GULP1: variants seen among roughly 807,000 people sequenced by gnomAD.
GULP1 encodes the protein PTB domain-containing engulfment adapter protein 1.
GULP1 carries 19 observed loss-of-function variants against 40.9 expected under a neutral mutation model. The ratio of observed to expected loss-of-function variants is 0.46; its 90% CI spans 0.32 to 0.68. GULP1 has a LOEUF of 0.68. GULP1 is among the 30% of genes least tolerant of loss of function. The pLI, the probability that GULP1 is intolerant of heterozygous loss-of-function variation, is 0.03. For missense variants in GULP1, 312 were observed against 362.2 expected (o/e 0.86, Z 1.12); for synonymous variants, 119 against 117.6 (o/e 1.01, Z -0.08).
chr2:188,492,753 A>G (rs2062519224), intron 4 of GULP1, among the ~76,000 whole-genome samples: 1 of 152,090 alleles, frequency 6.6e-6, no homozygotes, highest in South Asian at 2.1e-4. Flanking sequence ...AATTTTTTAT[A>G]TATCTATCTC....
At position 188,489,061 on chromosome 2, in the gene GULP1, A is replaced by G. The variant is rs1251428464; in HGVS notation, c.90+5569A>G. 3.3e-5 allele frequency among the ~76,000 whole-genome samples: 5 copies of G among 152,124 alleles called. No individual in the cohort carries two copies. In the East Asian group the frequency reaches 9.7e-4, roughly 29 times the overall value. On this transcript the variant is annotated intron_variant, in intron 4 of 11. Transcript: ENST00000409830. ...ATTGTTTTTTGAGAACATATGATAAATTACCCTTCAATGAAATATTAAGAT... is the reference window on the plus strand; with the variant it reads ...ATTGTTTTTTGAGAACATATGATAAGTTACCCTTCAATGAAATATTAAGAT...
rs151009285 is a variant in GULP1 at position 188,310,928 on chromosome 2, T to A, written c.-172+18762T>A. 2.1e-4 allele frequency among the ~76,000 whole-genome samples: 32 copies of A among 152,364 alleles called. No individual in the cohort carries two copies. The Middle Eastern group carries it at 0.014, about 65-fold the overall frequency. On this transcript the variant is annotated intron_variant, in intron 1 of 11. Transcript: ENST00000409830. ...AACTTGAAAAATATTTTAATAGGAC[T>A]TAACTGTGTTAAAGATGAAATTGTA... is the stretch of plus-strand genomic sequence containing the variant.
intron 4 of GULP1, among the ~76,000 whole-genome samples, chr2:188,485,748 T>C (rs2061810150): frequency 1.3e-5 from 2 of 152,028 alleles, no homozygotes; most frequent in Admixed American, 6.6e-5. Flanking sequence ...ATAGTAACAA[T>C]AGTAATTTCT....
intron 2 of GULP1, among the ~76,000 whole-genome samples, chr2:188,390,396 G>C (rs1035437258): frequency 6.6e-6 from 1 of 151,866 alleles, no homozygotes; most frequent in Non-Finnish European, 1.5e-5. Flanking sequence ...ATGTTTGTTG[G>C]GTATTTGTTT....
Position 188,477,669 on chromosome 2 carries a change from G to T in GULP1, c.-34G>T, listed in dbSNP as rs761243576. ...TTGTCACTTTTACAGGATTTAAGTCGTGGAACTGAACATTTATTTGGCTGA... is the reference window on the plus strand; with the variant it reads ...TTGTCACTTTTACAGGATTTAAGTCTTGGAACTGAACATTTATTTGGCTGA... On this transcript the variant is annotated 5_prime_UTR_variant, in exon 3 of 12. Coordinates refer to ENST00000409830, the MANE Select transcript of GULP1 (RefSeq NM_016315.4). The T allele has an allele frequency of 5.7e-6, 9 of 1,567,350 alleles. No homozygotes were observed. Among genetic ancestry groups the T allele is most frequent in the African/African-American group, 1.4e-5 (1 of 72,702 alleles).
intron 9 of GULP1, among the ~76,000 whole-genome samples, chr2:188,576,981 C>T (rs1462788735): frequency 6.6e-6 from 1 of 152,108 alleles, no homozygotes; most frequent in Non-Finnish European, 1.5e-5. Context: ...TCATGAATGC[C>T]TGCAGAAGAT....
intron 1 of GULP1, among the ~76,000 whole-genome samples, chr2:188,320,830 A>G (rs1411453976): frequency 6.6e-6 from 1 of 151,978 alleles, no homozygotes; most frequent in Non-Finnish European, 1.5e-5. Context: ...TTTTAATAAC[A>G]AAAACCTTAT....
chr2:188,335,784 G>T (rs1055860810), intron 1 of GULP1, among the ~76,000 whole-genome samples: 3 of 152,174 alleles, frequency 2.0e-5, no homozygotes, highest in African/African-American at 7.2e-5. Flanking sequence ...AGATTGAAAT[G>T]CAGTTAGCAT....
chr2:188,531,167 A>T (rs1208064622), intron 6 of GULP1, among the ~76,000 whole-genome samples: 1 of 152,174 alleles, frequency 6.6e-6, no homozygotes. Context: ...TTAATGCCCC[A>T]CTACAGACCT....
At chr2:188,362,085 A>G (rs574889731) in intron 1 of GULP1, among the ~76,000 whole-genome samples, 1 of 152,214 alleles carries the variant, frequency 6.6e-6, no homozygotes, top group East Asian at 1.9e-4. Flanking sequence ...TCTGCCTTTC[A>G]GTCAAGAGCT....
chr2:188,353,806 C>G (rs2044854430), intron 1 of GULP1, among the ~76,000 whole-genome samples: 5 of 151,566 alleles, frequency 3.3e-5, no homozygotes, highest in Admixed American at 2.0e-4. Context: ...CTTTGGTCAC[C>G]CAGAGCAGAT....
At chr2:188,474,232 G>T (rs899774538) in intron 2 of GULP1, among the ~76,000 whole-genome samples, 1 of 152,046 alleles carries the variant, frequency 6.6e-6, no homozygotes, top group Non-Finnish European at 1.5e-5. Flanking sequence ...GAGCTTAATT[G>T]CCTCAGCTTG....
chr2:188,468,269 T>C (rs941621182), intron 2 of GULP1, among the ~76,000 whole-genome samples: 9 of 152,200 alleles, frequency 5.9e-5, no homozygotes, highest in African/African-American at 1.9e-4. Flanking sequence ...TAATATTGTG[T>C]GATATGTGTA....
rs144751382 is a variant in GULP1, at chr2:188,507,381, A to T, written c.91-15375A>T. Among the ~76,000 whole-genome samples the T allele has an allele frequency of 4.5e-4, 65 of 143,800 alleles. 1 individual carries two copies. In the East Asian group the frequency reaches 0.013, roughly 28 times the overall value. 94.3% of individuals were successfully genotyped at this position (143,800 alleles called of 152,430 possible). A position where few individuals can be genotyped will look rare whatever the true frequency, so the allele number is the denominator to read the frequency against. On this transcript the variant is annotated intron_variant, in intron 4 of 11. Coordinates refer to ENST00000409830, the MANE Select transcript of GULP1 (RefSeq NM_016315.4). ...ACGAGTGTGTTTCTGGAGCAAAGAG[A>T]ATACCATTTGTTTTCTTTTTTTTTT...
intron 2 of GULP1, among the ~76,000 whole-genome samples, chr2:188,452,906 A>G (rs1382238199): frequency 6.6e-6 from 1 of 152,252 alleles, no homozygotes; most frequent in African/African-American, 2.4e-5. Flanking sequence ...ATAACACAGC[A>G]GAAATATCAA....
intron 4 of GULP1, among the ~76,000 whole-genome samples, chr2:188,485,002 GT>G: frequency 6.6e-6 from 1 of 152,090 alleles, no homozygotes; most frequent in East Asian, 1.9e-4. Flanking sequence ...CACAGATATT[GT>G]TTGTATTAGC....
At chr2:188,344,860 A>G (rs1198950217) in intron 1 of GULP1, among the ~76,000 whole-genome samples, 1 of 152,250 alleles carries the variant, frequency 6.6e-6, no homozygotes, top group East Asian at 1.9e-4. Context: ...ACATATATGT[A>G]CATATACACA....
intron 2 of GULP1, among the ~76,000 whole-genome samples, chr2:188,387,689 G>C (rs2049959568): frequency 6.6e-6 from 1 of 152,062 alleles, no homozygotes; most frequent in South Asian, 2.1e-4. Flanking sequence ...AAGGTACTGG[G>C]CTGGCAAACC....
At chr2:188,475,536 A>T (rs2060941758) in intron 2 of GULP1, among the ~76,000 whole-genome samples, 1 of 151,960 alleles carries the variant, frequency 6.6e-6, no homozygotes, top group South Asian at 2.1e-4. Context: ...TATATTTCAC[A>T]ATCTTCTTTT....
Sources: allele counts gnomAD v4.1 joint callset (sites outside exome capture counted in the v4.1 genomes callset), GRCh38; gene constraint gnomAD v4.1.1; transcripts MANE v1.5; gene names NCBI Gene and HGNC (gene_info 2026-07-23, HGNC 2026-07-21).